The following RPS6KA2 variants were observed in gnomAD, a reference collection of about 807,000 sequenced individuals.
RPS6KA2 encodes ribosomal protein S6 kinase alpha-2.
RPS6KA2 carries 42 observed loss-of-function variants against 91.8 expected under a neutral mutation model. The observed-to-expected ratio is 0.46, with a 90% CI of 0.36 to 0.59. The LOEUF is 0.59. Among genes scored for constraint, RPS6KA2 ranks in the 20% least tolerant of loss-of-function variants. RPS6KA2 has a pLI of 0.00. For missense variants in RPS6KA2, 798 were observed against 978.5 expected, an observed-to-expected ratio of 0.82 and a Z score of 2.46; for synonymous variants, 414 against 393.6, an observed-to-expected ratio of 1.05 and a Z score of -0.61.
intron 1 of RPS6KA2, among the ~76,000 whole-genome samples, chr6:166,601,470 C>T (rs1362733169): frequency 6.6e-6 from 1 of 152,086 alleles, no homozygotes; most frequent in Non-Finnish European, 1.5e-5. Context: ...TGAGAAAACC[C>T]GATAAGATAA....
intron 11 of RPS6KA2, among the ~76,000 whole-genome samples, chr6:166,467,565 T>C (rs1332360331): frequency 1.3e-5 from 2 of 152,094 alleles, no homozygotes; most frequent in Non-Finnish European, 2.9e-5. Context: ...AGTGAGCCCT[T>C]GGGAGACTTG....
At chr6:166,497,880 C>T (rs555052801) in intron 8 of RPS6KA2, among the ~76,000 whole-genome samples, 8 of 152,284 alleles carry the variant, frequency 5.3e-5, no homozygotes, top group Non-Finnish European at 8.8e-5. Flanking sequence ...TGCCACGACC[C>T]GATTGTCATC....
chr6:166,579,141 C>T (rs1254043451), intron 1 of RPS6KA2, among the ~76,000 whole-genome samples: 1 of 152,184 alleles, frequency 6.6e-6, no homozygotes, highest in Non-Finnish European at 1.5e-5. Context: ...CCGTATCTGC[C>T]AAAGGGGTTT....
At position 166,612,879 on chromosome 6, in the gene RPS6KA2, T is replaced by C. The variant is rs1189253304; in HGVS notation, c.99+14042A>G. Among the ~76,000 whole-genome samples the C allele has an allele frequency of 6.6e-6, 1 of 152,122 alleles. No individual in the cohort carries two copies. Among genetic ancestry groups the C allele is most frequent in the African/African-American group, 2.4e-5 (1 of 41,406 alleles). ...CGTCCCACTTGTTTCTTGACTCTTC[T>C]CCACTCTTCCCCTTCTCTTGTCTTT... is the stretch of plus-strand genomic sequence containing the variant. On this transcript the variant is annotated intron_variant, in intron 1 of 20. Coordinates refer to ENST00000265678, the MANE Select transcript of RPS6KA2 (RefSeq NM_021135.6). This position sits in a 1 kb window ranked among gnomAD's most constrained non-coding sequence, Gnocchi z 4.3.
intron 2 of RPS6KA2, among the ~76,000 whole-genome samples, chr6:166,711,787 AG>A (rs1789863516): frequency 5.5e-4 from 9 of 16,440 alleles, no homozygotes; most frequent in Non-Finnish European, 1.5e-3. Flanking sequence ...AGAAAGAAAG[AG>A]AGAGAGAGAG....
chr6:166,689,262 G>A (rs997027297), intron 2 of RPS6KA2, among the ~76,000 whole-genome samples: 6 of 152,220 alleles, frequency 3.9e-5, no homozygotes, highest in East Asian at 1.9e-4. Flanking sequence ...AACAGAACTC[G>A]TGTCTGAATT....
intron 1 of RPS6KA2, among the ~76,000 whole-genome samples, chr6:166,559,389 C>T (rs1784273900): frequency 6.6e-6 from 1 of 152,184 alleles, no homozygotes; most frequent in Non-Finnish European, 1.5e-5. Flanking sequence ...TTCAAGTGTG[C>T]ACCAGCCAAA....
In RPS6KA2 at chr6:166,742,544, A is replaced by T. The variant is rs566643105; in HGVS notation, c.123+115656T>A. Among the ~76,000 whole-genome samples, 197 of 152,308 alleles carry T rather than the reference A, an allele frequency of 1.3e-3. 1 individual carries two copies. The highest frequency in any genetic ancestry group is 1.9e-3 in the Non-Finnish European group (127 of 68,026). ...GCCTCCTCCTGACACAAACACGAGG[A>T]GCTGTGGCAGCTCTCCCTGCGGTGG... On this transcript the variant is annotated intron_variant, in intron 2 of 21. Coordinates refer to the RPS6KA2 transcript ENST00000503859.
intron 1 of RPS6KA2, among the ~76,000 whole-genome samples, chr6:166,540,008 CA>C (rs1783605501): frequency 6.6e-6 from 1 of 152,286 alleles, no homozygotes; most frequent in African/African-American, 2.4e-5. Context: ...CTCTGGGAAC[CA>C]GGGGCCTCTC....
chr6:166,847,589 A>T (rs1041469920), intron 2 of RPS6KA2, among the ~76,000 whole-genome samples: 5 of 152,206 alleles, frequency 3.3e-5, no homozygotes, highest in Non-Finnish European at 5.9e-5. Flanking sequence ...AGAATAGAGA[A>T]TCAAGAAATA....
At chr6:166,765,614 A>T (rs1778290927) in intron 2 of RPS6KA2, among the ~76,000 whole-genome samples, 1 of 152,252 alleles carries the variant, frequency 6.6e-6, no homozygotes, top group African/African-American at 2.4e-5. Context: ...TGAGACCTCG[A>T]TGTAGAAAGT....
chr6:166,680,188 G>T (rs530413219), intron 2 of RPS6KA2, among the ~76,000 whole-genome samples: 1 of 152,028 alleles, frequency 6.6e-6, no homozygotes, highest in Admixed American at 6.5e-5. Flanking sequence ...ATCTGGTGGG[G>T]ACTTGGAGAA....
intron 5 of RPS6KA2, among the ~76,000 whole-genome samples, chr6:166,507,710 C>T (rs1428759503): frequency 6.6e-6 from 1 of 150,646 alleles, no homozygotes; most frequent in African/African-American, 2.4e-5. Context: ...ATAGCACACA[C>T]ACCATCACAC....
chr6:166,665,390 A>G lies in RPS6KA2; in HGVS notation c.124-126606T>C, dbSNP rs1788285281. ...GCTTTGTCTGGTGTGCCTATACCCA[A>G]TGTCACCCAAACCCAAAGAAGGGTT... On this transcript the variant is annotated intron_variant, in intron 2 of 21. Transcript: ENST00000503859. The surrounding 1 kb of genome is among the most constrained non-coding windows in gnomAD (Gnocchi z 4.5). Among the ~76,000 whole-genome samples, 1 of 152,062 alleles carries G rather than the reference A, an allele frequency of 6.6e-6. No homozygotes were observed. The highest frequency in any genetic ancestry group is 2.4e-5 in the African/African-American group (1 of 41,396).
intron 2 of RPS6KA2, among the ~76,000 whole-genome samples, chr6:166,697,269 C>T (rs9348175): frequency 0.1 from 15,242 of 152,102 alleles, 1,049 homozygotes; most frequent in East Asian, 0.32. Context: ...GTAAATAAAC[C>T]ATAGTGCAAC....
chr6:166,634,413 C>G (rs564821747), intron 2 of RPS6KA2, among the ~76,000 whole-genome samples: 3 of 152,292 alleles, frequency 2.0e-5, no homozygotes, highest in Non-Finnish European at 2.9e-5. Flanking sequence ...TGCTCCTCCC[C>G]CTTCCTCATC....
chr6:166,750,471 T>C (rs556122955), intron 2 of RPS6KA2, among the ~76,000 whole-genome samples: 4 of 152,226 alleles, frequency 2.6e-5, no homozygotes, highest in African/African-American at 7.2e-5. Flanking sequence ...GGGCCTGTAC[T>C]TGTCAATCCC....
intron 2 of RPS6KA2, among the ~76,000 whole-genome samples, chr6:166,768,574 T>A (rs892204688): frequency 3.3e-5 from 5 of 152,120 alleles, no homozygotes; most frequent in Non-Finnish European, 7.3e-5. Context: ...ACATCAACTT[T>A]TGTAGAGTCT....
In RPS6KA2 at chr6:166,661,584, AC is replaced by A. The variant is rs970908642; in HGVS notation, c.124-122801del. Among the ~76,000 whole-genome samples, 9 of 152,192 alleles carry A rather than the reference AC, an allele frequency of 5.9e-5. No homozygotes were observed. In the Middle Eastern group the frequency reaches 0.01, roughly 173 times the overall value. On this transcript the variant is annotated intron_variant, in intron 2 of 21. Coordinates refer to the RPS6KA2 transcript ENST00000503859. ...GAGTTTTTGGTATATGACTGAATTA[AC>A]TTTTTATCATAGTCTCCCTATATAA...
Sources: gnomAD v4.1 joint callset for allele counts (sites outside exome capture counted in the v4.1 genomes callset) on GRCh38, gnomAD v4.1.1 for gene constraint, Gnocchi (gnomAD v3.1) non-coding constraint, MANE v1.5 for transcripts, NCBI Gene and HGNC (gene_info 2026-07-23, HGNC 2026-07-21) for gene names.